DGKB: variants seen among roughly 807,000 people sequenced by gnomAD.
The protein encoded by DGKB is diacylglycerol kinase beta.
In DGKB, 67 loss-of-function variants were observed where a neutral mutation model predicts 114.3. The observed-to-expected ratio is 0.59, with a 90% CI of 0.48 to 0.72. The LOEUF is 0.72. DGKB is among the 30% of genes least tolerant of loss of function. The pLI is 0.00. For synonymous variants in DGKB, 398 were observed against 323.1 expected (o/e 1.23, Z -2.49); for missense variants, 907 against 975.2 (o/e 0.93, Z 0.93).
intron 23 of DGKB, among the ~76,000 whole-genome samples, chr7:14,277,470 G>C (rs1799202066): frequency 6.6e-6 from 1 of 152,180 alleles, no homozygotes; most frequent in African/African-American, 2.4e-5. Context: ...ACTGTGCCTG[G>C]CAAGAGTTCA....
chr7:14,194,357 A>G (rs140293826), intron 23 of DGKB, among the ~76,000 whole-genome samples: 2 of 152,336 alleles, frequency 1.3e-5, no homozygotes, highest in East Asian at 3.9e-4. Context: ...GTAGAATATT[A>G]TTCAGCCATA....
chr7:14,169,867 G>C (rs1192495834), intron 25 of DGKB, among the ~76,000 whole-genome samples: 2 of 152,010 alleles, frequency 1.3e-5, no homozygotes, highest in African/African-American at 4.8e-5. Context: ...AGGTGCCATG[G>C]CTCACACCTG....
At chr7:14,388,163 T>G (rs1319899940) in intron 21 of DGKB, among the ~76,000 whole-genome samples, 1 of 150,882 alleles carries the variant, frequency 6.6e-6, no homozygotes, top group African/African-American at 2.4e-5. Flanking sequence ...AGACGTGAGA[T>G]GTCCTTTTCA....
At chr7:14,930,053 G>T (rs953361912) in intron 1 of DGKB, among the ~76,000 whole-genome samples, 1 of 151,976 alleles carries the variant, frequency 6.6e-6, no homozygotes, top group Non-Finnish European at 1.5e-5. Flanking sequence ...TTTATTTCTG[G>T]GTTCTCTATT....
intron 23 of DGKB, among the ~76,000 whole-genome samples, chr7:14,272,896 G>C (rs952331630): frequency 6.6e-6 from 1 of 152,176 alleles, no homozygotes; most frequent in African/African-American, 2.4e-5. Context: ...AAATGTGTAG[G>C]TTTGCATGTT....
intron 1 of DGKB, among the ~76,000 whole-genome samples, chr7:14,853,240 A>G (rs969875293): frequency 6.6e-6 from 1 of 152,172 alleles, no homozygotes. Flanking sequence ...AAACAGAGAA[A>G]TGGACTCAAT....
intron 21 of DGKB, among the ~76,000 whole-genome samples, chr7:14,349,434 C>G (rs141722831): frequency 6.6e-5 from 10 of 152,150 alleles, no homozygotes; most frequent in Non-Finnish European, 1.5e-4. Context: ...CCCTGTATTT[C>G]CATTATGTCC....
chr7:14,873,922 A>G (rs964657274), intron 1 of DGKB, among the ~76,000 whole-genome samples: 1 of 152,242 alleles, frequency 6.6e-6, no homozygotes, highest in Middle Eastern at 3.4e-3. Flanking sequence ...GGTATAAAAT[A>G]TGGAATAACA....
At chr7:14,308,400 C>T (rs2041091) in intron 23 of DGKB, among the ~76,000 whole-genome samples, 100,301 of 151,920 alleles carry the variant, frequency 0.66, 34,072 homozygotes, top group South Asian at 0.74. Flanking sequence ...AAAACACATA[C>T]ACCTCTAATA....
intron 20 of DGKB, among the ~76,000 whole-genome samples, chr7:14,509,384 G>A (rs757327256): frequency 5.3e-5 from 8 of 152,038 alleles, no homozygotes; most frequent in Non-Finnish European, 8.8e-5. Context: ...ACCACTCAGC[G>A]GCATGCCACA....
chr7:14,948,087 G>T (rs914999327), intron 1 of DGKB, among the ~76,000 whole-genome samples: 1 of 151,598 alleles, frequency 6.6e-6, no homozygotes, highest in East Asian at 1.9e-4. Context: ...TATCTGAAGG[G>T]GGCCGTATCA....
intron 21 of DGKB, among the ~76,000 whole-genome samples, chr7:14,430,636 A>C (rs888906525): frequency 6.6e-6 from 1 of 152,186 alleles, no homozygotes; most frequent in African/African-American, 2.4e-5. Flanking sequence ...GATGCCAATA[A>C]AGTTTCATTT....
At chr7:14,688,180 C>A (rs1402691652) in intron 9 of DGKB, among the ~76,000 whole-genome samples, 1 of 151,586 alleles carries the variant, frequency 6.6e-6, no homozygotes, top group Admixed American at 6.6e-5. Flanking sequence ...TCCCTTCTTT[C>A]TATCAGCCAG....
At chr7:14,230,019 G>A (rs1035950372) in intron 23 of DGKB, among the ~76,000 whole-genome samples, 11 of 152,010 alleles carry the variant, frequency 7.2e-5, no homozygotes, top group East Asian at 3.9e-4. Flanking sequence ...GAGGAGGTGC[G>A]AAAAAGAGTT....
At chr7:14,583,674 G>A (rs1275541691) in intron 17 of DGKB, among the ~76,000 whole-genome samples, 2 of 152,138 alleles carry the variant, frequency 1.3e-5, no homozygotes, top group Non-Finnish European at 2.9e-5. Flanking sequence ...GCAAATAGGA[G>A]GCAGGCTTCA....
intron 19 of DGKB, among the ~76,000 whole-genome samples, chr7:14,577,430 A>G (rs1327388935): frequency 6.6e-6 from 1 of 152,182 alleles, no homozygotes; most frequent in Non-Finnish European, 1.5e-5. Context: ...ATTCTGGCTA[A>G]CACGGTGAAA....
intron 24 of DGKB, among the ~76,000 whole-genome samples, chr7:14,177,205 T>G (rs1401147265): frequency 6.6e-6 from 1 of 152,066 alleles, no homozygotes; most frequent in Non-Finnish European, 1.5e-5. Context: ...CAAAAGAGAT[T>G]CCTTGTTTTT....
intron 21 of DGKB, among the ~76,000 whole-genome samples, chr7:14,394,659 A>G (rs1821945320): frequency 1.1e-5 from 1 of 94,862 alleles, no homozygotes; most frequent in South Asian, 3.7e-4. Flanking sequence ...TTTCCCCATC[A>G]ATGACCATTT....
intron 4 of DGKB, among the ~76,000 whole-genome samples, chr7:14,753,038 T>C (rs1525091): frequency 0.38 from 57,411 of 151,964 alleles, 15,694 homozygotes; most frequent in African/African-American, 0.76. Flanking sequence ...GTTACCAATG[T>C]CTCTTTATAG....
Sources: gnomAD v4.1 joint callset for allele counts (sites outside exome capture counted in the v4.1 genomes callset) on GRCh38, gnomAD v4.1.1 for gene constraint, MANE v1.5 for transcripts, NCBI Gene and HGNC (gene_info 2026-07-23, HGNC 2026-07-21) for gene names.